PNISR: variants seen among roughly 807,000 people sequenced by gnomAD.
PNISR encodes PNN interacting serine and arginine rich protein, also known as arginine/serine-rich protein PNISR.
A neutral mutation model predicts 93.4 loss-of-function variants in PNISR; 20 were observed. That is an observed-to-expected ratio of 0.21 (90% CI 0.15 to 0.31). The LOEUF (loss-of-function observed/expected upper bound fraction) is 0.31, where lower values mean the gene tolerates loss of function less well. PNISR is among the 10% of genes least tolerant of loss of function. The pLI is 1.00. For missense variants in PNISR, 893 were observed against 985.4 expected, an observed-to-expected ratio of 0.91 and a Z score of 1.25; for synonymous variants, 305 against 306.5, an observed-to-expected ratio of 0.99 and a Z score of 0.05.
intron 1 of PNISR, among the ~76,000 whole-genome samples, chr6:99,420,411 T>G (rs969310627): frequency 6.6e-6 from 1 of 152,188 alleles, no homozygotes; most frequent in East Asian, 1.9e-4. Flanking sequence ...ACTTAAACTT[T>G]TATATATGTT....
intron 1 of PNISR, among the ~76,000 whole-genome samples, chr6:99,419,123 A>G (rs970674544): frequency 3.2e-5 from 4 of 125,340 alleles, no homozygotes; most frequent in Non-Finnish European, 4.7e-5. Flanking sequence ...GCCCTCCACC[A>G]GCCTGGGTGC....
rs189765298 is a variant in PNISR, at chr6:99,418,281, C to G, written c.-111-1853G>C. Reference sequence around the variant, plus strand: ...GCCTCCTGAGTAGCTGGGATTACAGCTGCTCGCCACCAAGCCTGGCTAATT... The same window carrying G: ...GCCTCCTGAGTAGCTGGGATTACAGGTGCTCGCCACCAAGCCTGGCTAATT... On this transcript the variant is annotated intron_variant, in intron 1 of 11. Coordinates refer to ENST00000369239, the MANE Select transcript of PNISR (RefSeq NM_032870.4). Among the ~76,000 whole-genome samples the G allele has an allele frequency of 9.1e-4, 138 of 151,548 alleles. 1 individual carries two copies. The highest frequency in any genetic ancestry group is 3.1e-3 in the African/African-American group (128 of 41,374).
intron 8 of PNISR, 71 bp from the exon 9 acceptor site, chr6:99,404,773 T>C (rs1218070482): frequency 2.5e-6 from 2 of 804,258 alleles, no homozygotes; most frequent in Admixed American, 4.7e-5. Flanking sequence ...TTCAAAAATA[T>C]TAAAATGCAA....
chr6:99,418,462 A>AC (rs1475721126), intron 1 of PNISR, among the ~76,000 whole-genome samples: 14 of 151,912 alleles, frequency 9.2e-5, no homozygotes, highest in Non-Finnish European at 1.6e-4. Flanking sequence ...AAAAAAAAAA[A>AC]AGTTTTCCTA....
rs1316893182 is a variant in PNISR at position 99,401,512 on chromosome 6, C to A, written c.1446G>T (p.Lys482Asn). 1.9e-6 allele frequency: 3 copies of A among 1,613,010 alleles called. No individual in the cohort carries two copies. The Admixed American group carries it at 5.0e-5, about 27-fold the overall frequency. The change falls in exon 12 of 12, where the codon AAG (lysine) becomes AAT (asparagine). Residue 482 changes from lysine (K) to asparagine (N), a missense_variant. Physicochemically the swap from Lys to Asn is moderately conservative, Grantham distance 94. Transcript: ENST00000369239. ...READGDVVNE[K>N]KRTPNETTSV... is the part of the protein sequence containing the mutation. Reference sequence around the variant, plus strand: ...ATGTGGTTTCATTTGGAGTTCTCTTCTTTTCATTAACCACATCACCGTCTG... The same window carrying A: ...ATGTGGTTTCATTTGGAGTTCTCTTATTTTCATTAACCACATCACCGTCTG...
At chr6:99,410,476 T>C (rs1020492446) in intron 5 of PNISR, 3 of 408,688 alleles carry the variant, frequency 7.3e-6, no homozygotes, top group African/African-American at 6.0e-5. Flanking sequence ...AAATAAAACA[T>C]CATATAGCTA....
At chr6:99,404,725 G>C (rs748657741) in intron 8 of PNISR, 23 bp from the exon 9 acceptor site, 9 of 1,169,792 alleles carry the variant, frequency 7.7e-6, no homozygotes, top group Non-Finnish European at 1.2e-5. Flanking sequence ...ATTTTATACA[G>C]TATTTCTAAT....
chr6:99,421,989 C>T (rs533623869), intron 1 of PNISR, among the ~76,000 whole-genome samples: 1 of 152,210 alleles, frequency 6.6e-6, no homozygotes, highest in South Asian at 2.1e-4. Flanking sequence ...CCTCAGCCTC[C>T]CGAGTAGCTG....
At chr6:99,423,316 T>C (rs1275738301) in intron 1 of PNISR, among the ~76,000 whole-genome samples, 1 of 152,076 alleles carries the variant, frequency 6.6e-6, no homozygotes, top group Non-Finnish European at 1.5e-5. Context: ...TAAAATAAAC[T>C]AACAAATAAA....
At position 99,409,340 on chromosome 6, in the gene PNISR, C is replaced by G; in HGVS notation, c.506G>C (p.Gly169Ala). The G allele has an allele frequency of 6.2e-7, 1 of 1,613,318 alleles. No homozygotes were observed. ...ACCTTGCGGTGGACCAAAAGCAGCC[C>G]CATGCTGAAAGAGTATTGCAGTTTA... ...GPVNQFDYQHGAAFGPPQGGF... is the reference protein window; with the variant it reads ...GPVNQFDYQHAAAFGPPQGGF... Residue 169 changes from glycine to alanine, a missense_variant, in exon 6 of 12, where the codon GGG becomes GCG. Gly to Ala is a moderately conservative substitution (Grantham distance 60). Transcript: ENST00000369239.
At chr6:99,405,736 T>C (rs994161510) in intron 8 of PNISR, among the ~76,000 whole-genome samples, 2 of 152,126 alleles carry the variant, frequency 1.3e-5, no homozygotes, top group East Asian at 3.9e-4. Flanking sequence ...GGCTAATTTT[T>C]TGTAGAGACA....
chr6:99,400,416 G>C lies in PNISR; in HGVS notation c.*124C>G. 10 of 1,328,534 alleles carry C rather than the reference G, an allele frequency of 7.5e-6. No individual in the cohort carries two copies. Among genetic ancestry groups the C allele is most frequent in the Non-Finnish European group, 9.8e-6 (10 of 1,019,078 alleles). The allele number at this position is 1,328,534 out of a possible 1,614,324, so 82.3% of individuals were successfully genotyped here. ...ATTATATAGGATTTCTAACATTTAA[G>C]ACTATGATTATTTATCAAGTACCAA... On this transcript the variant is annotated 3_prime_UTR_variant, in exon 12 of 12. Transcript: ENST00000369239.
intron 11 of PNISR, 52 bp downstream of exon 11, chr6:99,402,488 T>TA: frequency 1.5e-6 from 2 of 1,305,844 alleles, no homozygotes; most frequent in Non-Finnish European, 2.1e-6. Flanking sequence ...AGTTAAAAAA[T>TA]AAAAAGAAAT....
At chr6:99,402,920 G>T in intron 10 of PNISR, 1 of 388,090 alleles carries the variant, frequency 2.6e-6, no homozygotes, top group Non-Finnish European at 4.6e-6. Context: ...ATTCTTTCTG[G>T]ACTATTTCAT....
chr6:99,418,074 G>A (rs1287711942), intron 1 of PNISR, among the ~76,000 whole-genome samples: 1 of 150,448 alleles, frequency 6.6e-6, no homozygotes, highest in East Asian at 1.9e-4. Context: ...CTTTATCTTT[G>A]AAAGAATTCT....
At chr6:99,419,445 C>T (rs180807476) in intron 1 of PNISR, among the ~76,000 whole-genome samples, 1 of 152,154 alleles carries the variant, frequency 6.6e-6, no homozygotes, top group African/African-American at 2.4e-5. Context: ...TACATACTGG[C>T]ATGTATTACC....
At chr6:99,419,415 A>C (rs1014343615) in intron 1 of PNISR, among the ~76,000 whole-genome samples, 1 of 152,122 alleles carries the variant, frequency 6.6e-6, no homozygotes, top group East Asian at 1.9e-4. Context: ...TCAGCCATTA[A>C]AATGAATAAG....
rs1778227929 is a variant in PNISR, at chr6:99,419,264, G to T, written c.-111-2836C>A. ...TCTGACCCAGCAATTCCACCGCAGG[G>T]TCCTAAACCATGAATGTGAATATTC... On this transcript the variant is annotated intron_variant, in intron 1 of 11. Transcript: ENST00000369239. 3.4e-5 allele frequency among the ~76,000 whole-genome samples: 5 copies of T among 149,192 alleles called. No homozygotes were observed. In the Admixed American group the frequency reaches 3.4e-4, roughly 10 times the overall value.
chr6:99,425,248 G>A lies in PNISR; in HGVS notation c.-145C>T. ...GTTCGGGAACACCCTTGTCGCCGCC[G>A]TTCCGGTAACACCTCTCCAACGCTT... On this transcript the variant is annotated 5_prime_UTR_variant, in exon 1 of 12. In the 5' UTR this introduces an upstream ATG that the reference lacks. Coordinates refer to ENST00000369239, the MANE Select transcript of PNISR (RefSeq NM_032870.4). 4.1e-6 allele frequency: 5 copies of A among 1,232,124 alleles called. No individual in the cohort carries two copies. The highest frequency in any genetic ancestry group is 1.5e-5 in the African/African-American group (1 of 64,530). The allele number at this position is 1,232,124 out of a possible 1,614,324, so 76.3% of individuals were successfully genotyped here.
Sources: gnomAD v4.1 joint callset for allele counts (sites outside exome capture counted in the v4.1 genomes callset) on GRCh38, gnomAD v4.1.1 for gene constraint, MANE v1.5 for transcripts, NCBI Gene and HGNC (gene_info 2026-07-23, HGNC 2026-07-21) for gene names.